The following SEC31B variants were observed in gnomAD, a reference collection of about 807,000 sequenced individuals.
SEC31B encodes the protein protein transport protein Sec31B.
Under a neutral mutation model 135.0 loss-of-function variants are expected in SEC31B, and 113 were observed. The observed-to-expected ratio is 0.84, with a 90% CI of 0.72 to 0.98. The LOEUF is 0.98. Among genes scored for constraint, SEC31B ranks in the 50% least tolerant of loss-of-function variants. The pLI is 0.00. For synonymous variants in SEC31B, 508 were observed against 549.4 expected, an observed-to-expected ratio of 0.92 and a Z score of 1.05; for missense variants, 1,296 against 1,421.1, an observed-to-expected ratio of 0.91 and a Z score of 1.42.
At chr10:100,516,410 C>T (rs533749701) in intron 2 of SEC31B, among the ~76,000 whole-genome samples, 191 bp from the exon 3 acceptor site, 9 of 152,038 alleles carry the variant, frequency 5.9e-5, no homozygotes, top group South Asian at 2.1e-4. Flanking sequence ...CATTTTGGGA[C>T]GCCGAGGTGG....
Position 100,498,063 on chromosome 10 carries a change from C to T in SEC31B, c.1829G>A (p.Arg610His), listed in dbSNP as rs145342986. The T allele has an allele frequency of 1.1e-4, 182 of 1,614,136 alleles. No homozygotes were observed. The African/African-American group carries it at 1.2e-3, about 11-fold the overall frequency. Residue 610 changes from arginine (R) to histidine (H), a missense_variant, in exon 15 of 26, where the codon CGC becomes CAC. Coordinates refer to ENST00000370345, the MANE Select transcript of SEC31B (RefSeq NM_015490.4). Reference sequence around the variant, plus strand: ...TTTGGTTTTCTTCTTGGCCAAGTAGCGCTCCTGTGTTTGCTTCAGCAGATC... The same window carrying T: ...TTTGGTTTTCTTCTTGGCCAAGTAGTGCTCCTGTGTTTGCTTCAGCAGATC... ...GTDLLKQTQERYLAKKKTKIS... is the reference protein window; with the variant it reads ...GTDLLKQTQEHYLAKKKTKIS...
At position 100,487,508 on chromosome 10, in the gene SEC31B, GAA is replaced by G. The variant is rs753799639; in HGVS notation, c.*106_*107del. On this transcript the variant is annotated 3_prime_UTR_variant, in exon 26 of 26. Transcript: ENST00000370345. ...ACAGCATCACATACCTGGCAGCAAG[GAA>G]AAGAGTCGGGAAAAAGAAACAGAAT... is the stretch of plus-strand genomic sequence containing the variant. The G allele has an allele frequency of 3.2e-4, 356 of 1,112,864 alleles. No homozygotes were observed. Among genetic ancestry groups the G allele is most frequent in the Non-Finnish European group, 4.5e-4 (348 of 781,154 alleles). 68.9% of individuals were successfully genotyped at this position (1,112,864 alleles called of 1,614,324 possible).
At chr10:100,513,714 C>T (rs186023876) in intron 3 of SEC31B, among the ~76,000 whole-genome samples, 1 of 152,052 alleles carries the variant, frequency 6.6e-6, no homozygotes, top group African/African-American at 2.4e-5. Flanking sequence ...AAGCGATCCA[C>T]CCGTCTCAGC....
At chr10:100,504,702 GA>G in intron 10 of SEC31B, among the ~76,000 whole-genome samples, 1 of 152,186 alleles carries the variant, frequency 6.6e-6, no homozygotes, top group South Asian at 2.1e-4. Flanking sequence ...GGATTATAGA[GA>G]GAGGTTAATT....
At chr10:100,502,000 T>C (rs1000405951) in intron 11 of SEC31B, among the ~76,000 whole-genome samples, 6 of 152,214 alleles carry the variant, frequency 3.9e-5, no homozygotes, top group Non-Finnish European at 8.8e-5. Flanking sequence ...ACATCAACCA[T>C]AGTAGCAACA....
At chr10:100,505,697 C>A in intron 9 of SEC31B, 2 of 1,416,932 alleles carry the variant, frequency 1.4e-6, no homozygotes, top group Non-Finnish European at 9.2e-7. Context: ...AAGACTACTA[C>A]ATTCAAAGTC....
intron 21 of SEC31B, 107 bp from the exon 22 acceptor site, chr10:100,489,868 C>T (rs1172368049): frequency 1.9e-6 from 3 of 1,568,842 alleles, no homozygotes; most frequent in South Asian, 2.4e-5. Context: ...CCATACCTCC[C>T]TCTGCAGACC....
At chr10:100,491,005 A>G in intron 19 of SEC31B, 122 bp from the exon 20 acceptor site, 1 of 590,966 alleles carries the variant, frequency 1.7e-6, no homozygotes, top group Non-Finnish European at 2.6e-6. Context: ...AAAAATCAAT[A>G]AAATTGATAA....
intron 24 of SEC31B, 149 bp downstream of exon 24, chr10:100,488,709 T>A (rs1851238752): frequency 6.2e-6 from 7 of 1,123,070 alleles, no homozygotes; most frequent in Non-Finnish European, 8.5e-6. Flanking sequence ...TCTCCCCAGC[T>A]CCACATGGAC....
chr10:100,498,232 C>T (rs1300453205), intron 14 of SEC31B, 25 bp from the exon 15 acceptor site: 2 of 1,612,576 alleles, frequency 1.2e-6, no homozygotes, highest in Non-Finnish European at 1.7e-6. Context: ...ATCCCCTGTG[C>T]ATTAGTTGCT....
Position 100,507,566 on chromosome 10 carries a change from A to G in SEC31B, c.641T>C (p.Met214Thr). ...ATGCCAGGCCAGGCCTGAGCAGTGC[A>G]TCTGTGAACAAAGCAGATCCCAATG... The part of the protein sequence containing the change: ...IIKVSDHSNR[M>T]HCSGLAWHPD... Residue 214 changes from methionine (M) to threonine (T), a missense_variant and splice_region_variant, in exon 7 of 26, where the codon ATG becomes ACG. By Grantham distance (81) the Met-to-Thr change is moderately conservative. Coordinates refer to ENST00000370345, the MANE Select transcript of SEC31B (RefSeq NM_015490.4). 1 of 1,614,220 alleles carries G rather than the reference A, an allele frequency of 6.2e-7. No individual in the cohort carries two copies. The highest frequency in any genetic ancestry group is 1.3e-5 in the African/African-American group (1 of 75,040).
chr10:100,519,609 G>C (rs1473301317), intron 1 of SEC31B, among the ~76,000 whole-genome samples, 173 bp downstream of exon 1: 1 of 152,254 alleles, frequency 6.6e-6, no homozygotes, highest in African/African-American at 2.4e-5. Context: ...TCCAATTCAA[G>C]GGTAGACGTA....
intron 19 of SEC31B, among the ~76,000 whole-genome samples, chr10:100,492,469 A>C (rs969537962): frequency 1.3e-5 from 2 of 152,112 alleles, no homozygotes; most frequent in Non-Finnish European, 2.9e-5. Flanking sequence ...TGATCCACCC[A>C]CCTCAGTTTC....
chr10:100,497,411 C>A, intron 16 of SEC31B, 131 bp from the exon 17 acceptor site: 1 of 1,507,882 alleles, frequency 6.6e-7, no homozygotes. Flanking sequence ...TGAGACTCAC[C>A]TTGCTGTACA....
At chr10:100,490,985 C>A (rs1377368006) in intron 19 of SEC31B, 102 bp from the exon 20 acceptor site, 6 of 770,826 alleles carry the variant, frequency 7.8e-6, no homozygotes, top group Admixed American at 3.9e-5. Context: ...AAAACTAGTT[C>A]TTTGAGGAAA....
intron 14 of SEC31B, chr10:100,498,431 G>A: frequency 1.6e-6 from 1 of 609,400 alleles, no homozygotes; most frequent in Non-Finnish European, 2.9e-6. Flanking sequence ...GTAGCACAGT[G>A]TGAGGTGTGC....
At chr10:100,489,034 C>T in intron 23 of SEC31B, 60 bp from the exon 24 acceptor site, 6 of 1,549,824 alleles carry the variant, frequency 3.9e-6, no homozygotes, top group Non-Finnish European at 5.2e-6. Flanking sequence ...TCATGGCTTC[C>T]CTAAGGACTA....
intron 19 of SEC31B, among the ~76,000 whole-genome samples, chr10:100,491,119 C>T (rs975452729): frequency 3.9e-5 from 6 of 152,074 alleles, no homozygotes; most frequent in African/African-American, 7.2e-5. Context: ...AAAATATAAA[C>T]GAATACTACA....
intron 19 of SEC31B, among the ~76,000 whole-genome samples, chr10:100,491,322 C>T (rs1379330072): frequency 2.0e-5 from 3 of 152,176 alleles, no homozygotes; most frequent in African/African-American, 7.2e-5. Context: ...TGGAGAATTT[C>T]ACCAGTCAAA....
Sources: gnomAD v4.1 joint callset for allele counts (sites outside exome capture counted in the v4.1 genomes callset) on GRCh38, gnomAD v4.1.1 for gene constraint, MANE v1.5 for transcripts, NCBI Gene and HGNC (gene_info 2026-07-23, HGNC 2026-07-21) for gene names.